NAV2: variants seen among roughly 807,000 people sequenced by gnomAD.
NAV2 encodes the protein helicase, APC down-regulated 1.
Under a neutral mutation model 223.2 loss-of-function variants are expected in NAV2, and 54 were observed. The ratio of observed to expected loss-of-function variants is 0.24; its 90% CI spans 0.19 to 0.30. The LOEUF is 0.30. Among genes scored for constraint, NAV2 ranks in the 10% least tolerant of loss-of-function variants. NAV2 has a pLI of 1.00. For synonymous variants in NAV2, 1,279 were observed against 1,239.3 expected, an observed-to-expected ratio of 1.03 and a Z score of -0.67; for missense variants, 2,806 against 3,147.5, an observed-to-expected ratio of 0.89 and a Z score of 2.60.
intron 1 of NAV2, among the ~76,000 whole-genome samples, chr11:19,730,553 C>T (rs1318664421): frequency 6.6e-6 from 1 of 152,216 alleles, no homozygotes; most frequent in African/African-American, 2.4e-5. Flanking sequence ...ACGCTGACTT[C>T]CAGGGCTGGG....
intron 1 of NAV2, among the ~76,000 whole-genome samples, chr11:19,655,344 A>G (rs1371969321): frequency 1.3e-5 from 2 of 152,186 alleles, no homozygotes; most frequent in Non-Finnish European, 2.9e-5. Flanking sequence ...CGATTCCTCA[A>G]GGATCTATAA....
At chr11:19,678,250 T>G (rs2048775495) in intron 1 of NAV2, among the ~76,000 whole-genome samples, 2 of 152,194 alleles carry the variant, frequency 1.3e-5, no homozygotes, top group African/African-American at 4.8e-5. Context: ...TTTGTAGGAT[T>G]GAACCTTCAC....
In NAV2 at chr11:19,933,954, A is replaced by C. The variant is rs1372989; in HGVS notation, c.1710A>C (p.Lys570Asn). The change falls in exon 7 of 38, where the codon AAA becomes AAC. Residue 570 changes from lysine (K) to asparagine (N), a missense_variant. Physicochemically the swap from Lys to Asn is moderately conservative, Grantham distance 94. Transcript: ENST00000349880. The surrounding 1 kb of genome is among the most constrained non-coding windows in gnomAD (Gnocchi z 4.3). The part of the protein sequence containing the change: ...SHSGIPKPGM[K>N]SMPGKSPSAP... ...GTGGAATACCAAAACCAGGAATGAA[A>C]AGCATGCCCGGGAAATCCCCAAGTG... 2 of 1,596,270 alleles carry C rather than the reference A, an allele frequency of 1.3e-6. No homozygotes were observed. Among genetic ancestry groups the C allele is most frequent in the Non-Finnish European group, 1.7e-6 (2 of 1,173,078 alleles).
intron 1 of NAV2, among the ~76,000 whole-genome samples, chr11:19,442,648 G>A (rs7122324): frequency 0.15 from 22,840 of 152,246 alleles, 2,119 homozygotes; most frequent in East Asian, 0.27. Flanking sequence ...CTGCAGTGAT[G>A]TTGGGAGATG....
intron 5 of NAV2, 138 bp downstream of exon 5, chr11:19,880,265 A>T (rs2063118772): frequency 2.4e-6 from 3 of 1,250,018 alleles, no homozygotes; most frequent in Non-Finnish European, 3.3e-6. Context: ...GTGGGAAATT[A>T]GCATGGCCTT....
chr11:19,513,394 T>C (rs1245205272), intron 1 of NAV2, among the ~76,000 whole-genome samples: 2 of 152,308 alleles, frequency 1.3e-5, no homozygotes, highest in East Asian at 3.9e-4. Context: ...GGTTACACAG[T>C]CAGATCCCAG....
intron 1 of NAV2, among the ~76,000 whole-genome samples, chr11:19,668,299 A>G (rs186960153): frequency 6.6e-6 from 1 of 152,288 alleles, no homozygotes; most frequent in African/African-American, 2.4e-5. Context: ...GCACTTTGAG[A>G]GGCCAAGGCG....
intron 1 of NAV2, among the ~76,000 whole-genome samples, chr11:19,827,674 C>T (rs2059709192): frequency 6.6e-6 from 1 of 152,116 alleles, no homozygotes; most frequent in South Asian, 2.1e-4. Context: ...GCTGCCTTGA[C>T]TGAAGTGTGA....
intron 1 of NAV2, among the ~76,000 whole-genome samples, chr11:19,828,718 G>A (rs952537614): frequency 6.6e-6 from 1 of 151,764 alleles, no homozygotes; most frequent in Non-Finnish European, 1.5e-5. Context: ...TTGAACTCCT[G>A]GGCTCAAGTT....
intron 1 of NAV2, among the ~76,000 whole-genome samples, chr11:19,673,870 C>T (rs907530915): frequency 2.0e-5 from 3 of 152,166 alleles, no homozygotes; most frequent in African/African-American, 7.2e-5. Flanking sequence ...AAACAACAGA[C>T]CCAAGATGAC....
intron 1 of NAV2, among the ~76,000 whole-genome samples, chr11:19,545,029 A>G (rs2044453858): frequency 3.3e-5 from 5 of 152,250 alleles, no homozygotes; most frequent in Admixed American, 3.3e-4. Context: ...CCCCAGAGAC[A>G]GCAAAGCAAA....
chr11:19,576,566 A>T (rs528745234), intron 1 of NAV2, among the ~76,000 whole-genome samples: 1 of 152,300 alleles, frequency 6.6e-6, no homozygotes, highest in Admixed American at 6.5e-5. Flanking sequence ...ATAATATATA[A>T]TTGCTGTTTA....
At chr11:20,068,082 C>A in intron 20 of NAV2, 104 bp from the exon 21 acceptor site, 1 of 1,054,530 alleles carries the variant, frequency 9.5e-7, no homozygotes. Context: ...ACTAATAATT[C>A]TTCCAGACTG....
At chr11:20,093,747 G>A (rs975934935) in intron 29 of NAV2, among the ~76,000 whole-genome samples, 2 of 152,076 alleles carry the variant, frequency 1.3e-5, no homozygotes, top group Non-Finnish European at 2.9e-5. Context: ...TTCCTAGTAC[G>A]GTTTCTGTTC....
intron 1 of NAV2, among the ~76,000 whole-genome samples, chr11:19,546,124 A>C (rs935912466): frequency 6.6e-6 from 1 of 152,154 alleles, no homozygotes; most frequent in African/African-American, 2.4e-5. Flanking sequence ...CCAGGAAACC[A>C]CACCAAACTG....
intron 1 of NAV2, among the ~76,000 whole-genome samples, chr11:19,472,527 C>T (rs983711913): frequency 2.2e-4 from 33 of 152,038 alleles, no homozygotes; most frequent in African/African-American, 7.5e-4. Context: ...TAATACAGGG[C>T]GGGTGTAGTA....
intron 1 of NAV2, among the ~76,000 whole-genome samples, chr11:19,798,518 C>T (rs1040662268): frequency 3.9e-5 from 6 of 152,090 alleles, no homozygotes; most frequent in African/African-American, 7.2e-5. Context: ...ATGAAGATGA[C>T]GAGAAATGAC....
intron 1 of NAV2, among the ~76,000 whole-genome samples, chr11:19,441,861 G>A (rs919115184): frequency 1.4e-4 from 21 of 152,182 alleles, no homozygotes; most frequent in African/African-American, 4.3e-4. Context: ...GCATTAGCAC[G>A]TATTCAATTT....
At chr11:19,867,985 A>G (rs1311735421) in intron 3 of NAV2, among the ~76,000 whole-genome samples, 1 of 152,148 alleles carries the variant, frequency 6.6e-6, no homozygotes, top group South Asian at 2.1e-4. Flanking sequence ...GGTCACATGT[A>G]TACTGTGGAA....
Sources: allele counts gnomAD v4.1 joint callset (sites outside exome capture counted in the v4.1 genomes callset), GRCh38; gene constraint gnomAD v4.1.1; non-coding constraint Gnocchi (gnomAD v3.1); transcripts MANE v1.5; gene names NCBI Gene and HGNC (gene_info 2026-07-23, HGNC 2026-07-21).